PFDN1: variants seen among roughly 807,000 people sequenced by gnomAD.
The protein encoded by PFDN1 is prefoldin subunit 1, also known as prefoldin 1.
Under a neutral mutation model 17.3 loss-of-function variants are expected in PFDN1, and 6 were observed. That is an observed-to-expected ratio of 0.35 (90% CI 0.19 to 0.69). PFDN1 has a LOEUF of 0.69. PFDN1 is among the 30% of genes least tolerant of loss of function. The pLI, the probability that PFDN1 is intolerant of heterozygous loss-of-function variation, is 0.65. For synonymous variants in PFDN1, 58 were observed against 50.1 expected (o/e 1.16, Z -0.67); for missense variants, 113 against 146.2 (o/e 0.77, Z 1.17).
chr5:140,273,484 C>G (rs1765242705), intron 3 of PFDN1, among the ~76,000 whole-genome samples: 1 of 152,068 alleles, frequency 6.6e-6, no homozygotes, highest in Admixed American at 6.6e-5. Context: ...ATGGGAATCC[C>G]TCCAAAGCAT....
At chr5:140,297,259 A>T (rs1263758749) in intron 2 of PFDN1, among the ~76,000 whole-genome samples, 1 of 152,248 alleles carries the variant, frequency 6.6e-6, no homozygotes, top group African/African-American at 2.4e-5. Context: ...TTCCCAAATA[A>T]CACTCAAAAT....
intron 3 of PFDN1, among the ~76,000 whole-genome samples, chr5:140,247,191 C>A (rs1468733953): frequency 6.6e-6 from 1 of 151,894 alleles, no homozygotes; most frequent in Non-Finnish European, 1.5e-5. Context: ...TGCAATGGTG[C>A]AATCACGGTT....
chr5:140,268,586 A>C (rs536772321), intron 3 of PFDN1, among the ~76,000 whole-genome samples: 100 of 152,312 alleles, frequency 6.6e-4, no homozygotes, highest in African/African-American at 2.4e-3. Flanking sequence ...CAGAGGCTGC[A>C]GTGAGCCAAG....
intron 3 of PFDN1, among the ~76,000 whole-genome samples, chr5:140,247,427 A>G (rs1764846225): frequency 6.6e-6 from 1 of 152,066 alleles, no homozygotes; most frequent in Admixed American, 6.6e-5. Flanking sequence ...GGCGTGAGCC[A>G]CCGCGCTTAG....
At chr5:140,302,955 A>C in intron 1 of PFDN1, 86 bp downstream of exon 1, 1 of 971,336 alleles carries the variant, frequency 1.0e-6, no homozygotes, top group Non-Finnish European at 1.7e-6. Flanking sequence ...TCCTTCTGCA[A>C]GGCTCGTGCC....
intron 1 of PFDN1, among the ~76,000 whole-genome samples, chr5:140,302,409 C>T (rs1765761921): frequency 6.6e-6 from 1 of 152,162 alleles, no homozygotes; most frequent in East Asian, 1.9e-4. Context: ...CTTCCGATAC[C>T]GGTTTTATTT....
intron 3 of PFDN1, among the ~76,000 whole-genome samples, chr5:140,264,089 C>T (rs989432430): frequency 3.5e-5 from 5 of 140,884 alleles, no homozygotes; most frequent in African/African-American, 1.3e-4. Context: ...GGAGCCAGCA[C>T]GTCACATGGT....
intron 3 of PFDN1, among the ~76,000 whole-genome samples, chr5:140,266,969 C>T (rs902304508): frequency 6.6e-6 from 1 of 152,196 alleles, no homozygotes. Context: ...ACACATGCTG[C>T]GGTGTGGGTT....
At chr5:140,288,784 A>G (rs1405582299) in intron 2 of PFDN1, among the ~76,000 whole-genome samples, 3 of 151,928 alleles carry the variant, frequency 2.0e-5, no homozygotes, top group Admixed American at 6.6e-5. Flanking sequence ...CTGTAGTTCG[A>G]CACCAGCCTG....
At chr5:140,300,650 A>G in intron 1 of PFDN1, 68 bp from the exon 2 acceptor site, 1 of 1,068,098 alleles carries the variant, frequency 9.4e-7, no homozygotes. Flanking sequence ...TCAAATCCAA[A>G]TATATTAAAA....
intron 3 of PFDN1, among the ~76,000 whole-genome samples, chr5:140,252,119 A>C (rs1764923087): frequency 2.1e-5 from 3 of 143,446 alleles, no homozygotes; most frequent in African/African-American, 5.3e-5. Context: ...GCATCCCTCC[A>C]CCCCCACCCC....
chr5:140,300,531 G>C lies in PFDN1; in HGVS notation c.85C>G (p.Leu29Val). ...KVIDTQQKVK[L>V]ADIQIEQLNR... ...AGCTGTTCAATCTGTATGTCTGCGA[G>C]CTTCACCTTCTGTTGAGTGTCAATA... The change falls in exon 2 of 4, where the codon CTC (leucine) becomes GTC (valine). Residue 29 changes from leucine (L) to valine (V), a missense_variant. Leu to Val is a conservative substitution (Grantham distance 32). Transcript: ENST00000261813. 6.2e-7 allele frequency: 1 copy of C among 1,613,004 alleles called. No homozygotes were observed. The highest frequency in any genetic ancestry group is 8.5e-7 in the Non-Finnish European group (1 of 1,179,280).
At chr5:140,292,421 T>G in intron 2 of PFDN1, among the ~76,000 whole-genome samples, 1 of 152,096 alleles carries the variant, frequency 6.6e-6, no homozygotes, top group East Asian at 1.9e-4. Flanking sequence ...AGGATGCATA[T>G]TGTGATCCAA....
intron 2 of PFDN1, chr5:140,282,195 T>TAAAAA (rs34012371): frequency 6.4e-5 from 8 of 124,262 alleles, no homozygotes; most frequent in Non-Finnish European, 1.0e-4. Context: ...TTAAAAACAT[T>TAAAAA]AAAAAAAAAA....
At chr5:140,275,306 G>C (rs1272151041) in intron 3 of PFDN1, among the ~76,000 whole-genome samples, 1 of 151,900 alleles carries the variant, frequency 6.6e-6, no homozygotes, top group African/African-American at 2.4e-5. Flanking sequence ...CTACTCGGGA[G>C]GCTGAAGCAG....
intron 3 of PFDN1, chr5:140,265,638 C>G (rs988268236): frequency 6.6e-6 from 1 of 152,092 alleles, no homozygotes. Flanking sequence ...AGTTTCAAAA[C>G]TTGAAAACTG....
intron 2 of PFDN1, chr5:140,293,268 C>T (rs1372999818): frequency 6.7e-6 from 1 of 149,270 alleles, no homozygotes; most frequent in East Asian, 2.0e-4. Flanking sequence ...ATGACTGCTA[C>T]TTTTCATACA....
At chr5:140,256,592 T>TC (rs1764988089) in intron 3 of PFDN1, among the ~76,000 whole-genome samples, 1 of 117,418 alleles carries the variant, frequency 8.5e-6, no homozygotes, top group African/African-American at 3.2e-5. Flanking sequence ...CCCCTACCCC[T>TC]CCCTGACTTC....
At chr5:140,257,581 C>T (rs1357287186) in intron 3 of PFDN1, among the ~76,000 whole-genome samples, 1 of 152,232 alleles carries the variant, frequency 6.6e-6, no homozygotes, top group Non-Finnish European at 1.5e-5. Context: ...CTCTCTAAAA[C>T]ATCACCCTTA....
Sources: gnomAD v4.1 joint callset for allele counts (sites outside exome capture counted in the v4.1 genomes callset) on GRCh38, gnomAD v4.1.1 for gene constraint, MANE v1.5 for transcripts, NCBI Gene and HGNC (gene_info 2026-07-23, HGNC 2026-07-21) for gene names.